Variants in FAM53B observed in about 807,000 individuals in gnomAD.
FAM53B encodes the protein family with sequence similarity 53 member B, also known as protein FAM53B.
FAM53B carries 12 observed loss-of-function variants against 32.7 expected under a neutral mutation model. That is an observed-to-expected ratio of 0.37 (90% CI 0.24 to 0.59). The LOEUF is 0.59. Ranked by LOEUF, FAM53B falls within the 20% of genes least tolerant of loss-of-function variation. The probability of loss-of-function intolerance (pLI) is 0.72; values close to 1 mark genes in which losing one functional copy is unlikely to be tolerated. For missense variants in FAM53B, 477 were observed against 577.7 expected (o/e 0.83, Z 1.79); for synonymous variants, 234 against 228.7 (o/e 1.02, Z -0.21).
At chr10:124,667,374 C>A in intron 4 of FAM53B, 1 of 761,876 alleles carries the variant, frequency 1.3e-6, no homozygotes. Flanking sequence ...TAAGACTCAG[C>A]CACCGCCTGT....
At chr10:124,648,475 T>C (rs538208052) in intron 4 of FAM53B, among the ~76,000 whole-genome samples, 2 of 152,320 alleles carry the variant, frequency 1.3e-5, no homozygotes, top group South Asian at 4.1e-4. Context: ...TCCCCGCTCC[T>C]TGGGAGCCTC....
intron 4 of FAM53B, among the ~76,000 whole-genome samples, chr10:124,660,816 G>C (rs2134056366): frequency 6.6e-6 from 1 of 152,208 alleles, no homozygotes; most frequent in East Asian, 1.9e-4. Context: ...CTGTCATAAT[G>C]ACCCAGCCCT....
rs539281698 is a variant in FAM53B at position 124,712,501 on chromosome 10, C to T, written c.-174-5614G>A. 7.6e-4 allele frequency among the ~76,000 whole-genome samples: 116 copies of T among 152,314 alleles called. 3 individuals carry two copies. The South Asian group carries it at 0.023, about 30-fold the overall frequency. ...GCATTGGTGTCCATTCCCCTTTGCA[C>T]AAGTAGCAATCGTGGGCCGCACTCT... On this transcript the variant is annotated intron_variant, in intron 1 of 4. Coordinates refer to ENST00000337318, the MANE Select transcript of FAM53B (RefSeq NM_014661.4).
chr10:124,707,060 C>G (rs1258966909), intron 1 of FAM53B, among the ~76,000 whole-genome samples, 173 bp from the exon 2 acceptor site: 2 of 152,130 alleles, frequency 1.3e-5, no homozygotes, highest in Non-Finnish European at 2.9e-5. Context: ...AGAGTCCCCC[C>G]GCCCACCCCT....
intron 2 of FAM53B, chr10:124,703,520 C>G (rs7080755): frequency 0.057 from 8,687 of 152,488 alleles, 803 homozygotes; most frequent in African/African-American, 0.19. Flanking sequence ...CACGCTATAG[C>G]GCAGGCAGCG....
At chr10:124,738,072 T>C (rs1318855964) in intron 1 of FAM53B, among the ~76,000 whole-genome samples, 2 of 149,124 alleles carry the variant, frequency 1.3e-5, no homozygotes, top group South Asian at 4.3e-4. Flanking sequence ...TAGGGATGGG[T>C]GCCCTTCAGA....
chr10:124,647,128 G>A (rs12411439), intron 4 of FAM53B, among the ~76,000 whole-genome samples: 8,464 of 152,288 alleles, frequency 0.056, 288 homozygotes, highest in East Asian at 0.12. Context: ...CATCGGGGCC[G>A]CATGTGCTGA....
chr10:124,630,005 A>G (rs945167330), intron 4 of FAM53B, among the ~76,000 whole-genome samples: 4 of 152,210 alleles, frequency 2.6e-5, no homozygotes, highest in Non-Finnish European at 5.9e-5. Flanking sequence ...CTGACTGCCC[A>G]GGCTCTGCAG....
intron 2 of FAM53B, among the ~76,000 whole-genome samples, chr10:124,700,008 CCTGA>C (rs1949904395): frequency 6.6e-6 from 1 of 152,222 alleles, no homozygotes; most frequent in South Asian, 2.1e-4. Flanking sequence ...AAGGAGGAAC[CCTGA>C]CTGATTTCGT....
rs145843854 is a variant in FAM53B, at chr10:124,657,380, A to C, written c.906+24227T>G. 3.3e-3 allele frequency among the ~76,000 whole-genome samples: 500 copies of C among 152,202 alleles called. 7 individuals carry two copies. Among genetic ancestry groups the C allele is most frequent in the African/African-American group, 0.011 (470 of 41,502 alleles). ...ACACATTGGTAAATGATGATTTAAA[A>C]TCTGTATTTGCACCTGTGGAATCCA... On this transcript the variant is annotated intron_variant, in intron 4 of 4. Coordinates refer to ENST00000337318, the MANE Select transcript of FAM53B (RefSeq NM_014661.4).
chr10:124,743,280 C>T (rs531725229), intron 1 of FAM53B, among the ~76,000 whole-genome samples: 204 of 152,326 alleles, frequency 1.3e-3, no homozygotes, highest in Non-Finnish European at 2.2e-3. Context: ...CTGACTCCCA[C>T]GGGCTTGCAA....
intron 3 of FAM53B, among the ~76,000 whole-genome samples, chr10:124,695,111 A>G (rs1448080086): frequency 1.3e-5 from 2 of 152,198 alleles, no homozygotes; most frequent in Non-Finnish European, 2.9e-5. Context: ...AAAACACCGC[A>G]CATGGAGGGA....
intron 4 of FAM53B, among the ~76,000 whole-genome samples, chr10:124,650,102 G>A (rs966792406): frequency 7.2e-5 from 11 of 152,090 alleles, no homozygotes; most frequent in African/African-American, 1.4e-4. Context: ...CATAATTATC[G>A]ATCAGATGAC....
intron 4 of FAM53B, among the ~76,000 whole-genome samples, chr10:124,636,014 A>G (rs888838060): frequency 5.3e-5 from 8 of 152,198 alleles, no homozygotes; most frequent in African/African-American, 1.9e-4. Context: ...GATGGGAGAG[A>G]TGGGGCAAGA....
At chr10:124,624,573 TC>T (rs1949333196) in intron 4 of FAM53B, among the ~76,000 whole-genome samples, 1 of 152,136 alleles carries the variant, frequency 6.6e-6, no homozygotes, top group Non-Finnish European at 1.5e-5. Flanking sequence ...CCAAGTGTGC[TC>T]CCTCTGTGTG....
chr10:124,665,956 G>A (rs1268276295), intron 4 of FAM53B, among the ~76,000 whole-genome samples: 1 of 152,206 alleles, frequency 6.6e-6, no homozygotes, highest in Non-Finnish European at 1.5e-5. Flanking sequence ...CAGCCCTGTA[G>A]CCTGCACCTA....
chr10:124,639,078 C>T (rs1564864269), intron 4 of FAM53B, among the ~76,000 whole-genome samples: 1 of 152,194 alleles, frequency 6.6e-6, no homozygotes, highest in Non-Finnish European at 1.5e-5. Flanking sequence ...CACCAGGGAC[C>T]CTTCCTGGGG....
intron 1 of FAM53B, among the ~76,000 whole-genome samples, chr10:124,735,598 G>C (rs1254041490): frequency 6.6e-6 from 1 of 152,248 alleles, no homozygotes; most frequent in Non-Finnish European, 1.5e-5. Context: ...GCTCTGTCCT[G>C]TATCTTGTCA....
intron 4 of FAM53B, among the ~76,000 whole-genome samples, chr10:124,679,237 A>C (rs918549571): frequency 6.6e-6 from 1 of 152,180 alleles, no homozygotes; most frequent in Non-Finnish European, 1.5e-5. Flanking sequence ...CATGCAGAGC[A>C]GACCCCAACC....
Sources: gnomAD v4.1 joint callset for allele counts (sites outside exome capture counted in the v4.1 genomes callset) on GRCh38, gnomAD v4.1.1 for gene constraint, MANE v1.5 for transcripts, NCBI Gene and HGNC (gene_info 2026-07-23, HGNC 2026-07-21) for gene names.